The following PSMB2 variants were observed in gnomAD, a reference collection of about 807,000 sequenced individuals.
PSMB2 encodes proteasome subunit beta type-2.
In PSMB2, 13 loss-of-function variants were observed where a neutral mutation model predicts 25.7. The ratio of observed to expected loss-of-function variants is 0.51; its 90% CI spans 0.33 to 0.80. PSMB2 has a LOEUF of 0.80. PSMB2 is among the 30% of genes least tolerant of loss of function. The pLI, the probability that PSMB2 is intolerant of heterozygous loss-of-function variation, is 0.02. For synonymous variants in PSMB2, 87 were observed against 96.2 expected (o/e 0.90, Z 0.56); for missense variants, 202 against 259.0 (o/e 0.78, Z 1.51).
intron 2 of PSMB2, among the ~76,000 whole-genome samples, chr1:35,632,906 C>A (rs1303544258): frequency 1.3e-5 from 2 of 151,286 alleles, no homozygotes; most frequent in South Asian, 2.1e-4. Context: ...ACAACAACAA[C>A]AAAAATAATA....
intron 3 of PSMB2, 81 bp from the exon 4 acceptor site, chr1:35,609,489 C>T: frequency 8.1e-7 from 1 of 1,228,672 alleles, no homozygotes; most frequent in Non-Finnish European, 1.1e-6. Flanking sequence ...AATATTCTGA[C>T]TCTTCATGAG....
chr1:35,630,944 G>A (rs773672848), intron 3 of PSMB2, among the ~76,000 whole-genome samples: 9 of 152,158 alleles, frequency 5.9e-5, no homozygotes, highest in Non-Finnish European at 1.2e-4. Context: ...AGGAATGTGG[G>A]AAATCTTTAT....
At chr1:35,609,225 C>G (rs1226877081) in intron 4 of PSMB2, 21 bp downstream of exon 4, 2 of 1,541,756 alleles carry the variant, frequency 1.3e-6, no homozygotes, top group Admixed American at 3.8e-5. Flanking sequence ...ACTGCTCCCT[C>G]CCTAGAGTAT....
chr1:35,640,271 G>C (rs924442050), intron 1 of PSMB2, among the ~76,000 whole-genome samples: 1 of 152,030 alleles, frequency 6.6e-6, no homozygotes, highest in Non-Finnish European at 1.5e-5. Flanking sequence ...GGGCACCTAC[G>C]TACACTTAGT....
chr1:35,637,767 A>T (rs1332202819), intron 1 of PSMB2, among the ~76,000 whole-genome samples: 1 of 152,262 alleles, frequency 6.6e-6, no homozygotes, highest in African/African-American at 2.4e-5. Context: ...AAATTGCCTC[A>T]AAACTCCTAA....
At position 35,600,361 on chromosome 1, in the gene PSMB2, C is replaced by T. The variant is rs953710936; in HGVS notation, c.*2906G>A. On this transcript the variant is annotated 3_prime_UTR_variant, in exon 6 of 6. Transcript: ENST00000373237. ...AGCCTGGAGCTTAGTAATACTAATA[C>T]ACCAACCAATGTTGGTTTCTCAGTT... 1 of 827,946 alleles carries T rather than the reference C, an allele frequency of 1.2e-6. No individual in the cohort carries two copies. Among genetic ancestry groups the T allele is most frequent in the Non-Finnish European group, 1.5e-6 (1 of 686,618 alleles). 51.3% of individuals were successfully genotyped at this position (827,946 alleles called of 1,614,324 possible).
intron 3 of PSMB2, among the ~76,000 whole-genome samples, chr1:35,617,248 G>A (rs766856306): frequency 1.2e-4 from 18 of 151,992 alleles, no homozygotes; most frequent in African/African-American, 3.4e-4. Flanking sequence ...GGGTTTCACC[G>A]TGTTGGCCTG....
Position 35,601,546 on chromosome 1 carries a change from T to C in PSMB2, c.*1721A>G, listed in dbSNP as rs1163432030. 2.0e-6 allele frequency: 2 copies of C among 985,282 alleles called. No homozygotes were observed. Among genetic ancestry groups the C allele is most frequent in the Non-Finnish European group, 2.4e-6 (2 of 829,926 alleles). The allele number at this position is 985,282 out of a possible 1,614,324, so 61.0% of individuals were successfully genotyped here. ...TTCTTCTTATGGTGTAAGGCATTTATCATTGGCGTATTAAATAGTGTATAA... is the reference window on the plus strand; with the variant it reads ...TTCTTCTTATGGTGTAAGGCATTTACCATTGGCGTATTAAATAGTGTATAA... On this transcript the variant is annotated 3_prime_UTR_variant, in exon 6 of 6. Transcript: ENST00000373237.
Position 35,599,753 on chromosome 1 carries a change from A to G in PSMB2, c.*3514T>C. 1 of 982,958 alleles carries G rather than the reference A, an allele frequency of 1.0e-6. No individual in the cohort carries two copies. Among genetic ancestry groups the G allele is most frequent in the Non-Finnish European group, 1.2e-6 (1 of 827,690 alleles). 60.9% of individuals were successfully genotyped at this position (982,958 alleles called of 1,614,324 possible). A position where few individuals can be genotyped will look rare whatever the true frequency, so the allele number is the denominator to read the frequency against. ...ATATGGAGAAAGACCTGGAGAGGGA[A>G]GAGATTAAAAGTAGAGTGAAGTTAG... On this transcript the variant is annotated 3_prime_UTR_variant, in exon 6 of 6. Transcript: ENST00000373237.
At chr1:35,625,606 C>CA (rs1269144796) in intron 3 of PSMB2, among the ~76,000 whole-genome samples, 1 of 151,260 alleles carries the variant, frequency 6.6e-6, no homozygotes, top group African/African-American at 2.4e-5. Context: ...ACTAAAAATA[C>CA]AAAAAAGTAG....
intron 3 of PSMB2, among the ~76,000 whole-genome samples, chr1:35,628,592 AAAAAAT>A (rs1201841427): frequency 3.7e-4 from 7 of 19,074 alleles, no homozygotes; most frequent in African/African-American, 7.1e-4. Flanking sequence ...AAAAAAAAAA[AAAAAAT>A]ATATATATAT....
In PSMB2 at chr1:35,603,087, C is replaced by T; in HGVS notation, c.*180G>A. The T allele has an allele frequency of 7.2e-7, 1 of 1,384,702 alleles. No homozygotes were observed. The allele number at this position is 1,384,702 out of a possible 1,614,324, so 85.8% of individuals were successfully genotyped here. On this transcript the variant is annotated 3_prime_UTR_variant, in exon 6 of 6. Coordinates refer to ENST00000373237, the MANE Select transcript of PSMB2 (RefSeq NM_002794.5). ...CCTGGCAAAAAGATCATCTTCCCTC[C>T]ATATCCTTTCTGAGGTAATATTAGG... is the stretch of plus-strand genomic sequence containing the variant.
intron 2 of PSMB2, 51 bp from the exon 3 acceptor site, chr1:35,631,395 A>G (rs1427816029): frequency 1.2e-6 from 2 of 1,606,280 alleles, no homozygotes; most frequent in Admixed American, 1.7e-5. Flanking sequence ...AAGGAATAAC[A>G]GTGCCCCAAA....
At chr1:35,613,272 C>T (rs1298539591) in intron 3 of PSMB2, among the ~76,000 whole-genome samples, 1 of 152,178 alleles carries the variant, frequency 6.6e-6, no homozygotes, top group Non-Finnish European at 1.5e-5. Flanking sequence ...AGCACAGTGG[C>T]CCATGCCTGT....
chr1:35,628,596 A>AAAATATATATAT (rs59538661), intron 3 of PSMB2, among the ~76,000 whole-genome samples: 20 of 25,102 alleles, frequency 8.0e-4, no homozygotes, highest in Non-Finnish European at 1.1e-3. Context: ...AAAAAAAAAA[A>AAAATATATATAT]ATATATATAT....
intron 3 of PSMB2, among the ~76,000 whole-genome samples, chr1:35,623,743 G>A (rs1378496812): frequency 6.6e-6 from 1 of 152,236 alleles, no homozygotes; most frequent in African/African-American, 2.4e-5. Flanking sequence ...GATGGCACAT[G>A]GAGGAAGAAG....
At chr1:35,617,166 A>T (rs1356997553) in intron 3 of PSMB2, among the ~76,000 whole-genome samples, 1 of 152,112 alleles carries the variant, frequency 6.6e-6, no homozygotes, top group African/African-American at 2.4e-5. Flanking sequence ...TTCCTGCCTC[A>T]GCCTCTGGAG....
chr1:35,609,110 G>C (rs999175159), intron 4 of PSMB2, 136 bp downstream of exon 4: 38 of 835,122 alleles, frequency 4.6e-5, no homozygotes, highest in Non-Finnish European at 5.6e-5. Flanking sequence ...GCAGCTTCCA[G>C]AGGGGAACCT....
At chr1:35,632,948 T>G (rs1291394620) in intron 2 of PSMB2, among the ~76,000 whole-genome samples, 1 of 151,944 alleles carries the variant, frequency 6.6e-6, no homozygotes, top group Admixed American at 6.6e-5. Context: ...CCAGGCACAG[T>G]GGCTCACACC....
Sources: allele counts gnomAD v4.1 joint callset (sites outside exome capture counted in the v4.1 genomes callset), GRCh38; gene constraint gnomAD v4.1.1; transcripts MANE v1.5; gene names NCBI Gene and HGNC (gene_info 2026-07-23, HGNC 2026-07-21).